ALPK1: variants seen among roughly 807,000 people sequenced by gnomAD.
ALPK1 encodes the protein alpha kinase 1, also known as alpha-protein kinase 1.
ALPK1 carries 110 observed loss-of-function variants against 120.6 expected under a neutral mutation model. The ratio of observed to expected loss-of-function variants is 0.91; its 90% confidence interval spans 0.78 to 1.07. The LOEUF is 1.07. Ranked by LOEUF, ALPK1 falls within the 50% of genes least tolerant of loss-of-function variation. The probability of loss-of-function intolerance (pLI) is 0.00; values close to 1 mark genes in which losing one functional copy is unlikely to be tolerated. For synonymous variants in ALPK1, 582 were observed against 560.3 expected, an observed-to-expected ratio of 1.04 and a Z score of -0.55; for missense variants, 1,498 against 1,483.9, an observed-to-expected ratio of 1.01 and a Z score of -0.16.
chr4:112,359,593 C>A, intron 2 of ALPK1: 1 of 244,462 alleles, frequency 4.1e-6, no homozygotes, highest in South Asian at 6.5e-5. Context: ...CCAGACCGCT[C>A]ATGGTGCAAG....
chr4:112,365,804 C>A (rs1375101675), intron 2 of ALPK1, among the ~76,000 whole-genome samples: 1 of 152,150 alleles, frequency 6.6e-6, no homozygotes, highest in Non-Finnish European at 1.5e-5. Context: ...TGATTTCAAA[C>A]TATACTATAA....
intron 12 of ALPK1, 67 bp downstream of exon 12, chr4:112,435,368 C>A: frequency 6.8e-7 from 1 of 1,477,336 alleles, no homozygotes; most frequent in Non-Finnish European, 9.2e-7. Flanking sequence ...GTTAAGTAAT[C>A]ACTCATGAGA....
Position 112,338,155 on chromosome 4 carries a change from C to T in ALPK1, c.-101+22303C>T, listed in dbSNP as rs546577627. Among the ~76,000 whole-genome samples the T allele has an allele frequency of 9.2e-5, 14 of 152,122 alleles. No individual in the cohort carries two copies. The East Asian group carries it at 2.3e-3, about 25-fold the overall frequency. ...CTAATTTTTGTATTTTTAGTAGAGA[C>T]GGGGTTTTGCCATGTTGGCCAGGCC... is the stretch of plus-strand genomic sequence containing the variant. On this transcript the variant is annotated intron_variant, in intron 2 of 15. Transcript: ENST00000650871.
chr4:112,308,574 C>G (rs1728233128), intron 1 of ALPK1, among the ~76,000 whole-genome samples: 2 of 152,128 alleles, frequency 1.3e-5, no homozygotes, highest in Non-Finnish European at 2.9e-5. Context: ...TCACATATTT[C>G]TTGTTCCATG....
Position 112,424,051 on chromosome 4 carries a change from A to G in ALPK1, c.535+48A>G, listed in dbSNP as rs1384011643. ...AATGACTTTTACCTCAGCCCCGAAC[A>G]GAGCACTCATTTAATAACAACTTAG... On this transcript the variant is annotated intron_variant, in intron 6 of 15. Transcript: ENST00000650871. The G allele has an allele frequency of 9.0e-6, 14 of 1,556,446 alleles. No individual in the cohort carries two copies. In the Admixed American group the frequency reaches 2.4e-4, roughly 27 times the overall value.
At chr4:112,305,375 T>C (rs561917967) in intron 1 of ALPK1, among the ~76,000 whole-genome samples, 60 of 147,052 alleles carry the variant, frequency 4.1e-4, no homozygotes, top group East Asian at 9.9e-4. Context: ...ATTCTTCCTA[T>C]CCATGAGCAT....
In ALPK1 at chr4:112,382,532, G is replaced by C. The variant is rs773063913; in HGVS notation, c.256G>C (p.Ala86Pro). ...DKTNLKDVIGAGLQQLLASLR... is the reference protein window; with the variant it reads ...DKTNLKDVIGPGLQQLLASLR... ...AACAAACCTGAAGGATGTGATTGGCGCCGGGTTGCAGCAGTTACTGGTAGG... is the reference window on the plus strand; with the variant it reads ...AACAAACCTGAAGGATGTGATTGGCCCCGGGTTGCAGCAGTTACTGGTAGG... The change falls in exon 4 of 16, where the codon GCC (alanine) becomes CCC (proline). Residue 86 changes from alanine (A) to proline (P), a missense_variant. Ala to Pro is a conservative substitution (Grantham distance 27, BLOSUM62 -1). Transcript: ENST00000650871. 12 of 1,614,002 alleles carry C rather than the reference G, an allele frequency of 7.4e-6. No individual in the cohort carries two copies. Among genetic ancestry groups the C allele is most frequent in the Non-Finnish European group, 1.0e-5 (12 of 1,180,012 alleles).
chr4:112,440,714 T>C (rs1439545882), intron 14 of ALPK1, among the ~76,000 whole-genome samples: 1 of 152,210 alleles, frequency 6.6e-6, no homozygotes, highest in Non-Finnish European at 1.5e-5. Context: ...TATTTAATTA[T>C]TCTTAAACTA....
chr4:112,412,031 C>A lies in ALPK1; in HGVS notation c.475+6C>A, dbSNP rs754970847. On this transcript the variant is annotated splice_donor_region_variant and intron_variant, in intron 5 of 15. Coordinates refer to ENST00000650871, the MANE Select transcript of ALPK1 (RefSeq NM_025144.4). ...CCGAATCTCCGTGAACTCAGGTATG[C>A]TCCCTCCTGCTGGCCGCCCCCGCGT... The A allele has an allele frequency of 6.2e-7, 1 of 1,613,638 alleles. No homozygotes were observed. Among genetic ancestry groups the A allele is most frequent in the Non-Finnish European group, 8.5e-7 (1 of 1,179,954 alleles).
intron 1 of ALPK1, among the ~76,000 whole-genome samples, chr4:112,300,623 G>A (rs2110516976): frequency 6.6e-6 from 1 of 151,494 alleles, no homozygotes; most frequent in East Asian, 1.9e-4. Context: ...CTTACTATTG[G>A]TTCATTTTTC....
chr4:112,390,393 G>C (rs1349185373), intron 4 of ALPK1, among the ~76,000 whole-genome samples: 1 of 152,176 alleles, frequency 6.6e-6, no homozygotes, highest in Non-Finnish European at 1.5e-5. Flanking sequence ...TATAGGCTTG[G>C]CTATAAGGTA....
chr4:112,431,431 G>C lies in ALPK1; in HGVS notation c.1884G>C (p.Glu628Asp). Residue 628 changes from glutamate to aspartate, a missense_variant, in exon 11 of 16, where the codon GAG (glutamate) becomes GAC (aspartate). By Grantham distance (45) the Glu-to-Asp change is conservative. Coordinates refer to ENST00000650871, the MANE Select transcript of ALPK1 (RefSeq NM_025144.4). ...AGTGTTCCACTGCCTTGTCTGAGGA[G>C]CTAGAGAATGACAGGGAAGGCAGAG... ...DTQCSTALSE[E>D]LENDREGRAM... 6.2e-7 allele frequency: 1 copy of C among 1,614,254 alleles called. No individual in the cohort carries two copies. Among genetic ancestry groups the C allele is most frequent in the Non-Finnish European group, 8.5e-7 (1 of 1,180,046 alleles).
chr4:112,434,054 ATT>A (rs914385839), intron 11 of ALPK1, among the ~76,000 whole-genome samples: 10 of 152,198 alleles, frequency 6.6e-5, no homozygotes, highest in Admixed American at 2.0e-4. Flanking sequence ...AAAAGCAAAA[ATT>A]TCCAGCAATA....
chr4:112,361,820 CCTCA>C (rs1407663761), intron 2 of ALPK1, among the ~76,000 whole-genome samples: 8 of 152,238 alleles, frequency 5.3e-5, no homozygotes, highest in African/African-American at 1.9e-4. Context: ...AAGCAAGGAC[CCTCA>C]CTGAGTCCAC....
At chr4:112,360,896 C>T (rs968965227) in intron 2 of ALPK1, among the ~76,000 whole-genome samples, 1 of 152,042 alleles carries the variant, frequency 6.6e-6, no homozygotes, top group Non-Finnish European at 1.5e-5. Context: ...TCTTCTATGT[C>T]TTTGGTGTTC....
chr4:112,324,000 ACACTGGGCT>A (rs1272433155), intron 2 of ALPK1, among the ~76,000 whole-genome samples: 1 of 152,194 alleles, frequency 6.6e-6, no homozygotes, highest in African/African-American at 2.4e-5. Flanking sequence ...CAGCCAAGGA[ACACTGGGCT>A]TAGGGAGCCC....
intron 2 of ALPK1, among the ~76,000 whole-genome samples, chr4:112,349,833 C>T (rs1042681489): frequency 7.2e-5 from 11 of 151,964 alleles, no homozygotes; most frequent in Non-Finnish European, 1.5e-4. Flanking sequence ...ATTACAGGCA[C>T]GAGCCACCAC....
chr4:112,336,987 A>G (rs866658501), intron 2 of ALPK1, among the ~76,000 whole-genome samples: 1 of 152,156 alleles, frequency 6.6e-6, no homozygotes, highest in Non-Finnish European at 1.5e-5. Flanking sequence ...TGTAGTTCAT[A>G]TAAGTTTTCA....
chr4:112,429,046 T>G (rs910947895), intron 9 of ALPK1, 103 bp from the exon 10 acceptor site: 1 of 988,984 alleles, frequency 1.0e-6, no homozygotes, highest in Non-Finnish European at 1.6e-6. Context: ...CGGTGAGGAG[T>G]CCCTTGAAAT....
Sources: allele counts gnomAD v4.1 joint callset (sites outside exome capture counted in the v4.1 genomes callset), GRCh38; gene constraint gnomAD v4.1.1; transcripts MANE v1.5; gene names NCBI Gene and HGNC (gene_info 2026-07-23, HGNC 2026-07-21).